CLDN16: variants seen among roughly 807,000 people sequenced by gnomAD.
The protein encoded by CLDN16 is claudin-16.
CLDN16 carries 13 observed loss-of-function variants against 24.6 expected under a neutral mutation model. That is an observed-to-expected ratio of 0.53 (90% confidence interval 0.34 to 0.84). CLDN16 has a LOEUF of 0.84. Among genes scored for constraint, CLDN16 ranks in the 40% least tolerant of loss-of-function variants. The pLI is 0.01. For synonymous variants in CLDN16, 116 were observed against 106.7 expected, an observed-to-expected ratio of 1.09 and a Z score of -0.54; for missense variants, 298 against 292.7, an observed-to-expected ratio of 1.02 and a Z score of -0.13.
chr3:190,385,044 G>A (rs1217445394), upstream of CLDN16, among the ~76,000 whole-genome samples: 2 of 151,950 alleles, frequency 1.3e-5, no homozygotes, highest in Non-Finnish European at 2.9e-5. Context: ...CCTGCTTCTG[G>A]TCCACTCACT....
Position 190,348,827 on chromosome 3 carries a change from C to T in CLDN16, n.122-22066C>T, listed in dbSNP as rs1220169223. On this transcript the variant is annotated intron_variant and non_coding_transcript_variant, in intron 1 of 4. Coordinates refer to the CLDN16 transcript ENST00000468220. The stretch of plus-strand genomic sequence containing the variant: ...CCTCTTTCTCTTACCTCCCTCCACC[C>T]TCCAAAAGACCCCAGTGTGTGTTGT... 3.9e-5 allele frequency among the ~76,000 whole-genome samples: 6 copies of T among 152,202 alleles called. No individual in the cohort carries two copies. In the South Asian group the frequency reaches 8.3e-4, roughly 21 times the overall value.
At chr3:190,322,065 C>A, upstream of CLDN16, 1 of 1,614,224 alleles carries the variant, frequency 6.2e-7, no homozygotes, top group Non-Finnish European at 8.5e-7. Context: ...CACAGCCCCT[C>A]GTACATGGCC....
chr3:190,352,144 T>G (rs1238438861), intron 1 of CLDN16, among the ~76,000 whole-genome samples: 2 of 151,518 alleles, frequency 1.3e-5, no homozygotes, highest in East Asian at 1.9e-4. Flanking sequence ...TGAAAAAGTT[T>G]TTTTTTTTTT....
intron 1 of CLDN16, among the ~76,000 whole-genome samples, chr3:190,342,286 T>TA (rs111659368): frequency 0.039 from 5,957 of 152,248 alleles, 389 homozygotes; most frequent in African/African-American, 0.13. Context: ...TTATTGGACT[T>TA]ACAGTTCCAC....
intron 1 of CLDN16, among the ~76,000 whole-genome samples, chr3:190,345,727 T>C (rs1717537214): frequency 6.6e-6 from 1 of 152,124 alleles, no homozygotes; most frequent in African/African-American, 2.4e-5. Context: ...ATTCGTGAAA[T>C]ACAGGAAGAG....
chr3:190,367,617 T>G (rs1718050294), intron 1 of CLDN16, among the ~76,000 whole-genome samples: 1 of 151,986 alleles, frequency 6.6e-6, no homozygotes, highest in African/African-American at 2.4e-5. Flanking sequence ...TCTGCAAAAT[T>G]CATTGTTTTT....
At chr3:190,296,192 CAT>C in the CLDN16 span, among the ~76,000 whole-genome samples, 1 of 152,166 alleles carries the variant, frequency 6.6e-6, no homozygotes, top group Non-Finnish European at 1.5e-5. Context: ...TATACATAAA[CAT>C]ATAAAATAGC....
the CLDN16 span, among the ~76,000 whole-genome samples, chr3:190,296,287 T>G: frequency 1.3e-5 from 2 of 152,166 alleles, no homozygotes; most frequent in Non-Finnish European, 2.9e-5. Context: ...CTGTCATTCT[T>G]GTCATGTTAC....
intron 2 of CLDN16, among the ~76,000 whole-genome samples, chr3:190,373,659 A>G (rs1718187250): frequency 6.6e-6 from 1 of 151,898 alleles, no homozygotes; most frequent in Non-Finnish European, 1.5e-5. Flanking sequence ...AGATTATTTA[A>G]TCTATCAAGA....
At chr3:190,352,140 AGTT>A (rs1717683614) in intron 1 of CLDN16, among the ~76,000 whole-genome samples, 1 of 151,006 alleles carries the variant, frequency 6.6e-6, no homozygotes, top group African/African-American at 2.4e-5. Flanking sequence ...CAATTGAAAA[AGTT>A]TTTTTTTTTT....
chr3:190,374,260 T>C (rs1718201036), intron 2 of CLDN16, among the ~76,000 whole-genome samples: 1 of 141,492 alleles, frequency 7.1e-6, no homozygotes, highest in South Asian at 2.3e-4. Flanking sequence ...CTTCCAGCCC[T>C]GAAAAACATT....
chr3:190,359,367 T>TC (rs1261370560), intron 1 of CLDN16, among the ~76,000 whole-genome samples: 1 of 152,052 alleles, frequency 6.6e-6, no homozygotes, highest in Non-Finnish European at 1.5e-5. Context: ...CTCAGTTTCT[T>TC]CCACATATGT....
At chr3:190,392,144 C>T (rs751601549) in intron 1 of CLDN16, among the ~76,000 whole-genome samples, 3 of 146,256 alleles carry the variant, frequency 2.1e-5, no homozygotes, top group Non-Finnish European at 4.5e-5. Flanking sequence ...CTGGTGGTGT[C>T]TGGCACTTCT....
intron 1 of CLDN16, among the ~76,000 whole-genome samples, chr3:190,336,310 G>A (rs1040047482): frequency 1.1e-4 from 17 of 152,136 alleles, no homozygotes; most frequent in Middle Eastern, 3.2e-3. Context: ...CCATAATAAG[G>A]CAGATGTGCT....
intron 1 of CLDN16, among the ~76,000 whole-genome samples, chr3:190,346,192 AG>A (rs1360339355): frequency 6.6e-6 from 1 of 152,166 alleles, no homozygotes; most frequent in East Asian, 1.9e-4. Flanking sequence ...GTTTTAGCAG[AG>A]GGAACCACAT....
the CLDN16 span, among the ~76,000 whole-genome samples, chr3:190,298,225 A>G: frequency 2.0e-5 from 3 of 152,160 alleles, no homozygotes; most frequent in East Asian, 1.9e-4. Flanking sequence ...GTTACCAACA[A>G]TAACCATATA....
intron 1 of CLDN16, among the ~76,000 whole-genome samples, chr3:190,392,629 G>A (rs1266818290): frequency 1.3e-5 from 2 of 152,162 alleles, no homozygotes; most frequent in African/African-American, 4.8e-5. Context: ...ACCAGTGAAA[G>A]CTACCCAAAA....
intron 3 of CLDN16, among the ~76,000 whole-genome samples, chr3:190,378,098 C>T (rs1348895748): frequency 2.0e-5 from 3 of 151,964 alleles, no homozygotes; most frequent in African/African-American, 7.2e-5. Context: ...AAGTTACCAC[C>T]CCAATCATCT....
chr3:190,300,422 C>T, the CLDN16 span, among the ~76,000 whole-genome samples: 3 of 152,266 alleles, frequency 2.0e-5, no homozygotes, highest in African/African-American at 4.8e-5. Flanking sequence ...TCCTGCTTTC[C>T]TATTATCCAT....
Sources: gnomAD v4.1 joint callset for allele counts (sites outside exome capture counted in the v4.1 genomes callset) on GRCh38, gnomAD v4.1.1 for gene constraint, MANE v1.5 for transcripts, NCBI Gene and HGNC (gene_info 2026-07-23, HGNC 2026-07-21) for gene names.